Variants in SLC18B1 observed in about 807,000 individuals in gnomAD.
The protein encoded by SLC18B1 is MFS-type transporter SLC18B1.
A neutral mutation model predicts 53.9 loss-of-function variants in SLC18B1; 62 were observed. That is an observed-to-expected ratio of 1.15 (90% CI 0.94 to 1.42). SLC18B1 has a LOEUF of 1.42. Among genes scored for constraint, SLC18B1 ranks in the 40% most tolerant of loss-of-function variants. SLC18B1 has a pLI of 0.00. For missense variants in SLC18B1, 598 were observed against 547.3 expected (o/e 1.09, Z -0.93); for synonymous variants, 217 against 200.9 (o/e 1.08, Z -0.68).
intron 6 of SLC18B1, among the ~76,000 whole-genome samples, chr6:132,782,004 A>G (rs1781249847): frequency 6.6e-6 from 1 of 151,752 alleles, no homozygotes. Flanking sequence ...ACTGGCCAAC[A>G]TGGTGAAACT....
At chr6:132,776,486 C>T (rs1781103448) in intron 7 of SLC18B1, 57 bp from the exon 8 acceptor site, 3 of 1,177,946 alleles carry the variant, frequency 2.5e-6, no homozygotes, top group Non-Finnish European at 3.7e-6. Context: ...AAGTAAACAT[C>T]CCTCTTTTCC....
At chr6:132,796,567 G>A (rs577236786) in intron 2 of SLC18B1, among the ~76,000 whole-genome samples, 5 of 150,048 alleles carry the variant, frequency 3.3e-5, no homozygotes, top group East Asian at 1.9e-4. Context: ...AAGGGGGGTC[G>A]GGAATCAAAA....
rs1781637399 is a variant in SLC18B1, at chr6:132,795,059, T to C, written c.183+1923A>G. On this transcript the variant is annotated intron_variant, in intron 2 of 13. Transcript: ENST00000275227. ...TGAAAGTTCCTTTCAGTAACGCCCTTTCTTCTGCTATCCACACTCCATGTA... is the reference window on the plus strand; with the variant it reads ...TGAAAGTTCCTTTCAGTAACGCCCTCTCTTCTGCTATCCACACTCCATGTA... Among the ~76,000 whole-genome samples the C allele has an allele frequency of 2.0e-5, 3 of 152,140 alleles. No individual in the cohort carries two copies. The South Asian group carries it at 6.2e-4, about 31-fold the overall frequency.
chr6:132,770,177 T>G lies in SLC18B1; in HGVS notation c.*93A>C. 9.7e-7 allele frequency: 1 copy of G among 1,034,396 alleles called. No individual in the cohort carries two copies. 64.1% of individuals were successfully genotyped at this position (1,034,396 alleles called of 1,614,324 possible). A position where few individuals can be genotyped will look rare whatever the true frequency, so the allele number is the denominator to read the frequency against. On this transcript the variant is annotated 3_prime_UTR_variant, in exon 14 of 14. Transcript: ENST00000275227. ...ACACTGGCACGGGGTCCACGGAGTTTTGCGCGTAAAATTTTAAAAACCCTT... is the reference window on the plus strand; with the variant it reads ...ACACTGGCACGGGGTCCACGGAGTTGTGCGCGTAAAATTTTAAAAACCCTT...
In SLC18B1 at chr6:132,787,593, T is replaced by A; in HGVS notation, c.354-12A>T. On this transcript the variant is annotated splice_polypyrimidine_tract_variant and intron_variant, in intron 4 of 13. Coordinates refer to ENST00000275227, the MANE Select transcript of SLC18B1 (RefSeq NM_052831.3). ...CTCGGTCCAATACACTAAAAAGGAA[T>A]AAGACAATTCTGAAATGCCAAGCTG... is the stretch of plus-strand genomic sequence containing the variant. The A allele has an allele frequency of 1.3e-6, 2 of 1,531,114 alleles. No individual in the cohort carries two copies. The highest frequency in any genetic ancestry group is 1.7e-6 in the Non-Finnish European group (2 of 1,146,284). 94.8% of individuals were successfully genotyped at this position (1,531,114 alleles called of 1,614,324 possible).
At chr6:132,772,665 C>T (rs1781006116) in intron 10 of SLC18B1, among the ~76,000 whole-genome samples, 2 of 152,082 alleles carry the variant, frequency 1.3e-5, no homozygotes, top group Admixed American at 1.3e-4. Flanking sequence ...GCTGGTCACT[C>T]TAGGCTCTCT....
At chr6:132,796,532 G>GAAAAAAA (rs56286125) in intron 2 of SLC18B1, among the ~76,000 whole-genome samples, 3 of 77,888 alleles carry the variant, frequency 3.9e-5, no homozygotes, top group African/African-American at 4.9e-5. Flanking sequence ...GTCTCGAAAG[G>GAAAAAAA]AAAAAAAAAA....
At chr6:132,788,089 C>T (rs546866975) in intron 4 of SLC18B1, among the ~76,000 whole-genome samples, 6 of 150,554 alleles carry the variant, frequency 4.0e-5, no homozygotes, top group East Asian at 3.9e-4. Flanking sequence ...TGAACCTGGG[C>T]GGCGCAGTTT....
intron 8 of SLC18B1, among the ~76,000 whole-genome samples, chr6:132,774,964 C>A (rs1346823414): frequency 1.4e-4 from 22 of 152,034 alleles, no homozygotes; most frequent in Non-Finnish European, 2.9e-5. Context: ...AGTTACAATA[C>A]CTAGAAAAAT....
intron 8 of SLC18B1, among the ~76,000 whole-genome samples, chr6:132,774,882 T>C (rs960213848): frequency 1.3e-5 from 2 of 151,796 alleles, no homozygotes; most frequent in East Asian, 1.9e-4. Context: ...CCGTACTCCA[T>C]CCTGGGCAAC....
In SLC18B1 at chr6:132,797,072, T is replaced by C; in HGVS notation, c.93A>G (p.Arg31=). The change falls in exon 2 of 14, where the codon AGA becomes AGG. Residue 31 remains arginine (R), a synonymous_variant. Coordinates refer to ENST00000275227, the MANE Select transcript of SLC18B1 (RefSeq NM_052831.3). ...CCGATATCAGTACAAAAACCTGTTC[T>C]CTCGAAAGCCACCCGGGGGTCTCTC... is the stretch of plus-strand genomic sequence containing the variant. ...SAGETPGWLS[R]EQVFVLISAA... 1.9e-6 allele frequency: 3 copies of C among 1,614,138 alleles called. No individual in the cohort carries two copies. Among genetic ancestry groups the C allele is most frequent in the South Asian group, 2.2e-5 (2 of 91,082 alleles).
At chr6:132,780,710 C>T (rs1024433712) in intron 6 of SLC18B1, among the ~76,000 whole-genome samples, 8 of 151,322 alleles carry the variant, frequency 5.3e-5, no homozygotes, top group East Asian at 1.9e-4. Flanking sequence ...TACAGGCACA[C>T]GCAACCACAC....
intron 6 of SLC18B1, among the ~76,000 whole-genome samples, chr6:132,779,884 A>G (rs1781188554): frequency 6.6e-6 from 1 of 152,200 alleles, no homozygotes; most frequent in African/African-American, 2.4e-5. Flanking sequence ...ACATGGCTGC[A>G]GGCAAGAGAG....
chr6:132,793,197 G>T (rs1389294636), intron 2 of SLC18B1, among the ~76,000 whole-genome samples: 1 of 152,142 alleles, frequency 6.6e-6, no homozygotes, highest in Non-Finnish European at 1.5e-5. Context: ...ATGATGAATA[G>T]AAGTAGGAAT....
At position 132,798,429 on chromosome 6, in the gene SLC18B1, G is replaced by T. The variant is rs200091558; in HGVS notation, c.28C>A (p.Pro10Thr). Residue 10 changes from proline (P) to threonine (T), a missense_variant, in exon 1 of 14, where the codon CCA (proline) becomes ACA (threonine). Transcript: ENST00000275227. Reference sequence around the variant, plus strand: ...TCATGGTCACCTCCTGGTGCGCGTGGTCCCTCCAGGTCACCCAGCGCCTCC... The same window carrying T: ...TCATGGTCACCTCCTGGTGCGCGTGTTCCCTCCAGGTCACCCAGCGCCTCC... Reference protein sequence around the residue: MEALGDLEGPRAPGGDDPAG... With the variant: MEALGDLEGTRAPGGDDPAG... 1.0e-4 allele frequency: 160 copies of T among 1,529,592 alleles called. 2 individuals are homozygous for T. The East Asian group carries it at 3.4e-3, about 33-fold the overall frequency. 94.8% of individuals were successfully genotyped at this position (1,529,592 alleles called of 1,614,324 possible).
At chr6:132,781,625 C>T (rs558179238) in intron 6 of SLC18B1, among the ~76,000 whole-genome samples, 2 of 151,652 alleles carry the variant, frequency 1.3e-5, no homozygotes, top group South Asian at 2.1e-4. Context: ...GGTGTGGTGG[C>T]GCAGGCCTGT....
intron 7 of SLC18B1, among the ~76,000 whole-genome samples, chr6:132,778,799 T>A (rs1781157211): frequency 6.6e-6 from 1 of 152,202 alleles, no homozygotes; most frequent in Non-Finnish European, 1.5e-5. Flanking sequence ...GGATACTTGG[T>A]TCCTTTCTCA....
At chr6:132,784,670 G>GGCAATTTC (rs1389462657) in intron 5 of SLC18B1, among the ~76,000 whole-genome samples, 5 of 152,120 alleles carry the variant, frequency 3.3e-5, no homozygotes, top group African/African-American at 9.7e-5. Context: ...TTGGCAATTT[G>GGCAATTTC]GCAAATTGAG....
intron 5 of SLC18B1, among the ~76,000 whole-genome samples, chr6:132,786,060 G>C (rs910032354): frequency 6.6e-6 from 1 of 152,184 alleles, no homozygotes; most frequent in South Asian, 2.1e-4. Flanking sequence ...CTAAGTTAGA[G>C]GACAGCAGAC....
Sources: allele counts gnomAD v4.1 joint callset (sites outside exome capture counted in the v4.1 genomes callset), GRCh38; gene constraint gnomAD v4.1.1; transcripts MANE v1.5; gene names NCBI Gene and HGNC (gene_info 2026-07-23, HGNC 2026-07-21).